LPP: variants seen among roughly 807,000 people sequenced by gnomAD.
LPP encodes LIM domain containing preferred translocation partner in lipoma.
Under a neutral mutation model 60.4 loss-of-function variants are expected in LPP, and 38 were observed. The ratio of observed to expected loss-of-function variants is 0.63; its 90% CI spans 0.49 to 0.83. The LOEUF (loss-of-function observed/expected upper bound fraction) is 0.83, where lower values mean the gene tolerates loss of function less well. Among genes scored for constraint, LPP ranks in the 40% least tolerant of loss-of-function variants. The pLI is 0.00. For synonymous variants in LPP, 328 were observed against 290.8 expected (o/e 1.13, Z -1.30); for missense variants, 902 against 783.6 (o/e 1.15, Z -1.80).
In LPP at chr3:188,870,926, C is replaced by CT. The variant is rs571848519; in HGVS notation, c.1590-1710dup. ...ATTGAACATAAAGCCCAACTAATAT[C>CT]TTTTTTTATACAGAAATATGGCAGA... On this transcript the variant is annotated intron_variant, in intron 10 of 11. Transcript: ENST00000617246. Among the ~76,000 whole-genome samples the CT allele has an allele frequency of 9.9e-5, 15 of 152,200 alleles. No homozygotes were observed. In the East Asian group the frequency reaches 2.9e-3, roughly 29 times the overall value.
chr3:188,686,456 G>A (rs1264638379), intron 7 of LPP, among the ~76,000 whole-genome samples: 1 of 152,180 alleles, frequency 6.6e-6, no homozygotes, highest in African/African-American at 2.4e-5. Flanking sequence ...ATACTGGGTG[G>A]ATAGACCATA....
At chr3:188,728,634 T>C (rs1719286995) in intron 8 of LPP, among the ~76,000 whole-genome samples, 1 of 152,210 alleles carries the variant, frequency 6.6e-6, no homozygotes, top group Non-Finnish European at 1.5e-5. Context: ...CATAGCTTTT[T>C]TGTGTCTGTT....
At chr3:188,714,460 T>G (rs896162347) in intron 8 of LPP, among the ~76,000 whole-genome samples, 3 of 152,244 alleles carry the variant, frequency 2.0e-5, no homozygotes, top group Non-Finnish European at 4.4e-5. Context: ...TCAGCCATTT[T>G]GCAGTCTGTA....
chr3:188,210,072 TA>T (rs79183561), intron 1 of LPP, among the ~76,000 whole-genome samples: 6,728 of 137,316 alleles, frequency 0.049, 158 homozygotes, highest in South Asian at 0.084. Context: ...TCGAAAATAT[TA>T]AAAAAAAAAA....
chr3:188,733,040 A>G (rs1023135275), intron 8 of LPP, among the ~76,000 whole-genome samples: 3 of 151,924 alleles, frequency 2.0e-5, no homozygotes, highest in Non-Finnish European at 4.4e-5. Flanking sequence ...TGCAGGTCGA[A>G]CTCAGTGAAA....
At chr3:188,858,545 A>G (rs1344000978) in intron 9 of LPP, among the ~76,000 whole-genome samples, 1 of 152,218 alleles carries the variant, frequency 6.6e-6, no homozygotes, top group Non-Finnish European at 1.5e-5. Flanking sequence ...GTGCTTAAGA[A>G]TAAAAAACAG....
intron 2 of LPP, among the ~76,000 whole-genome samples, chr3:188,255,915 C>A (rs149037194): frequency 6.5e-4 from 99 of 152,158 alleles, no homozygotes; most frequent in Admixed American, 1.1e-3. Context: ...TGCATTGATG[C>A]GAACATCACA....
intron 1 of LPP, among the ~76,000 whole-genome samples, chr3:188,205,808 A>G (rs991591331): frequency 4.6e-5 from 7 of 152,310 alleles, no homozygotes; most frequent in African/African-American, 1.7e-4. Flanking sequence ...GAGAGACTCC[A>G]GGAGTCATCT....
chr3:188,280,880 GCTT>G (rs1741744164), intron 2 of LPP, among the ~76,000 whole-genome samples: 1 of 151,746 alleles, frequency 6.6e-6, no homozygotes, highest in African/African-American at 2.4e-5. Flanking sequence ...TTGTGACTCA[GCTT>G]CTTCTTCATG....
intron 3 of LPP, among the ~76,000 whole-genome samples, chr3:188,348,455 T>A (rs1376690282): frequency 6.6e-6 from 1 of 152,180 alleles, no homozygotes; most frequent in Non-Finnish European, 1.5e-5. Flanking sequence ...GCTGAAACCA[T>A]ACCCTTTTAA....
In LPP at chr3:188,450,940, T is replaced by C. The variant is rs145562809; in HGVS notation, c.194-33652T>C. ...TGTACTGTCGTGAGCATTTTGTATA[T>C]GTGTTCTTAATGATTGGCAGAAGTT... is the stretch of plus-strand genomic sequence containing the variant. On this transcript the variant is annotated intron_variant, in intron 4 of 11. Transcript: ENST00000617246. 4.0e-3 allele frequency among the ~76,000 whole-genome samples: 607 copies of C among 152,276 alleles called. 5 individuals are homozygous for C. Among genetic ancestry groups the C allele is most frequent in the African/African-American group, 0.013 (558 of 41,548 alleles).
rs1267833551 is a variant in LPP at position 188,182,530 on chromosome 3, T to C, written c.-190+28278T>C. On this transcript the variant is annotated intron_variant, in intron 1 of 11. Coordinates refer to ENST00000617246, the MANE Select transcript of LPP (RefSeq NM_001375462.1). The surrounding 1 kb of genome is among the most constrained non-coding windows in gnomAD (Gnocchi z 4.4). ...GAGACCTATGTGGCTGCCATTGTTT[T>C]TGGCTGGGAGTGGTTGTGATAGATA... Among the ~76,000 whole-genome samples, 2 of 152,156 alleles carry C rather than the reference T, an allele frequency of 1.3e-5. No individual in the cohort carries two copies. Among genetic ancestry groups the C allele is most frequent in the Non-Finnish European group, 2.9e-5 (2 of 68,030 alleles).
chr3:188,241,951 A>G (rs1725038976), intron 2 of LPP, among the ~76,000 whole-genome samples: 2 of 152,186 alleles, frequency 1.3e-5, no homozygotes, highest in Admixed American at 1.3e-4. Context: ...CTCATTGGAA[A>G]ACTTTGGGCT....
At chr3:188,580,218 T>TA (rs1248363980) in intron 6 of LPP, among the ~76,000 whole-genome samples, 8 of 152,110 alleles carry the variant, frequency 5.3e-5, no homozygotes, top group Admixed American at 2.0e-4. Flanking sequence ...ATTAAGTATT[T>TA]TCTCAATAGA....
Position 188,877,836 on chromosome 3 carries a change from G to C in LPP, c.*3357G>C. 9.3e-6 allele frequency: 2 copies of C among 215,982 alleles called. No homozygotes were observed. Among genetic ancestry groups the C allele is most frequent in the East Asian group, 1.4e-4 (2 of 14,610 alleles). 13.4% of individuals were successfully genotyped at this position (215,982 alleles called of 1,614,324 possible). On this transcript the variant is annotated 3_prime_UTR_variant, in exon 12 of 12. Coordinates refer to ENST00000617246, the MANE Select transcript of LPP (RefSeq NM_001375462.1). ...GATGCTGGCATCTCTGCAGCTCAAA[G>C]ATGTGGGTTCTTTTTCTTGTCATTA...
intron 2 of LPP, among the ~76,000 whole-genome samples, chr3:188,339,375 A>G (rs1762463019): frequency 1.3e-5 from 2 of 152,318 alleles, no homozygotes; most frequent in East Asian, 1.9e-4. Context: ...CAGCTTTCCT[A>G]TTGCTTAAAA....
At chr3:188,231,977 A>T (rs921468944) in intron 2 of LPP, among the ~76,000 whole-genome samples, 5 of 152,164 alleles carry the variant, frequency 3.3e-5, no homozygotes, top group African/African-American at 1.2e-4. Context: ...AGGAACAGAG[A>T]GCTGATATAC....
intron 1 of LPP, chr3:188,213,072 C>T (rs1711924307): frequency 6.6e-6 from 1 of 152,110 alleles, no homozygotes; most frequent in African/African-American, 2.4e-5. Context: ...CATCTGAGGC[C>T]TAACTTGAGT....
At chr3:188,543,111 C>T (rs907739537) in intron 6 of LPP, among the ~76,000 whole-genome samples, 1 of 152,158 alleles carries the variant, frequency 6.6e-6, no homozygotes, top group African/African-American at 2.4e-5. Context: ...TTCACTAGGA[C>T]TCTCAATTTC....
Sources: allele counts gnomAD v4.1 joint callset (sites outside exome capture counted in the v4.1 genomes callset), GRCh38; gene constraint gnomAD v4.1.1; non-coding constraint Gnocchi (gnomAD v3.1); transcripts MANE v1.5; gene names NCBI Gene and HGNC (gene_info 2026-07-23, HGNC 2026-07-21).